Variants in FARP1 observed in about 807,000 individuals in gnomAD.
FARP1 encodes FERM, ARH/RhoGEF and pleckstrin domain protein 1.
In FARP1, 52 loss-of-function variants were observed where a neutral mutation model predicts 128.8. The observed-to-expected ratio is 0.40, with a 90% confidence interval of 0.32 to 0.51. The LOEUF (loss-of-function observed/expected upper bound fraction) is 0.51. Ranked by LOEUF, FARP1 falls within the 20% of genes least tolerant of loss-of-function variation. The probability of loss-of-function intolerance (pLI) is 0.45; values close to 1 mark genes in which losing one functional copy is unlikely to be tolerated. For synonymous variants in FARP1, 580 were observed against 551.8 expected, an observed-to-expected ratio of 1.05 and a Z score of -0.72; for missense variants, 1,333 against 1,367.9, an observed-to-expected ratio of 0.97 and a Z score of 0.40.
intron 2 of FARP1, among the ~76,000 whole-genome samples, chr13:98,246,602 A>G (rs1033800974): frequency 6.6e-6 from 1 of 151,968 alleles, no homozygotes; most frequent in Non-Finnish European, 1.5e-5. Context: ...GTGTTTACAT[A>G]CTATACTCCC....
intron 1 of FARP1, chr13:98,177,192 G>A: frequency 1.9e-6 from 3 of 1,582,232 alleles, no homozygotes; most frequent in Non-Finnish European, 2.6e-6. Context: ...TGCATACCTG[G>A]TCTGCTTGGT....
At chr13:98,371,392 C>T (rs1889321732) in intron 5 of FARP1, among the ~76,000 whole-genome samples, 1 of 152,166 alleles carries the variant, frequency 6.6e-6, no homozygotes, top group Non-Finnish European at 1.5e-5. Flanking sequence ...GCCAGCTCCT[C>T]TGTCAGTGCT....
At chr13:98,304,844 C>T (rs1371026100) in intron 2 of FARP1, among the ~76,000 whole-genome samples, 8 of 152,178 alleles carry the variant, frequency 5.3e-5, no homozygotes, top group Non-Finnish European at 1.0e-4. Context: ...TATTATCTGT[C>T]AGCCATTGGA....
At position 98,153,955 on chromosome 13, in the gene FARP1, A is replaced by AC. The variant is rs568642914; in HGVS notation, c.-24+10468dup. 1.4e-4 allele frequency among the ~76,000 whole-genome samples: 22 copies of AC among 152,036 alleles called. 1 individual carries two copies. The highest frequency in any genetic ancestry group is 2.5e-4 in the Non-Finnish European group (17 of 67,996). ...AATTTAGAACATTCCCTTGTGCTGC[A>AC]CCCCCAGTCCCTGTTAACCACCTGT... is the stretch of plus-strand genomic sequence containing the variant. On this transcript the variant is annotated intron_variant, in intron 1 of 26. Coordinates refer to ENST00000319562, the MANE Select transcript of FARP1 (RefSeq NM_005766.4).
chr13:98,446,500 G>C, intron 25 of FARP1, 166 bp from the exon 26 acceptor site: 1 of 684,372 alleles, frequency 1.5e-6, no homozygotes, highest in Non-Finnish European at 2.5e-6. Flanking sequence ...TTGCCACCCG[G>C]GCCATCACGT....
intron 15 of FARP1, among the ~76,000 whole-genome samples, chr13:98,411,538 C>T (rs1229329613): frequency 1.3e-5 from 2 of 152,286 alleles, no homozygotes; most frequent in Admixed American, 1.3e-4. Flanking sequence ...GATGGAAGTT[C>T]TTAAAGGAAT....
intron 2 of FARP1, among the ~76,000 whole-genome samples, chr13:98,239,795 A>T (rs1882657386): frequency 1.3e-5 from 2 of 151,398 alleles, no homozygotes; most frequent in African/African-American, 4.9e-5. Flanking sequence ...GGAGCAGGTG[A>T]CTCTCTGGCT....
chr13:98,145,905 A>ATGGTTTGTT (rs1875513363), intron 1 of FARP1, among the ~76,000 whole-genome samples: 1 of 150,960 alleles, frequency 6.6e-6, no homozygotes, highest in South Asian at 2.1e-4. Context: ...GCCCAAGGAA[A>ATGGTTTGTT]TTGTTTTGTT....
At chr13:98,172,409 C>T (rs1877717265) in intron 1 of FARP1, among the ~76,000 whole-genome samples, 1 of 151,938 alleles carries the variant, frequency 6.6e-6, no homozygotes, top group African/African-American at 2.4e-5. Flanking sequence ...GGTTTCTGGT[C>T]TCCTTGACCC....
At chr13:98,360,405 G>A (rs1481117877) in intron 3 of FARP1, among the ~76,000 whole-genome samples, 1 of 152,154 alleles carries the variant, frequency 6.6e-6, no homozygotes, top group Non-Finnish European at 1.5e-5. Flanking sequence ...CTCTGAAGAG[G>A]TGATTAAGTT....
chr13:98,368,469 T>C (rs1205802849), intron 5 of FARP1, among the ~76,000 whole-genome samples: 2 of 152,226 alleles, frequency 1.3e-5, no homozygotes, highest in Non-Finnish European at 2.9e-5. Flanking sequence ...ATCTTATATG[T>C]CACATCATGG....
At chr13:98,182,111 C>T (rs1279437542) in intron 1 of FARP1, among the ~76,000 whole-genome samples, 1 of 152,072 alleles carries the variant, frequency 6.6e-6, no homozygotes, top group Non-Finnish European at 1.5e-5. Flanking sequence ...TGCTCCCCCT[C>T]TTTCCCAAGC....
chr13:98,203,619 A>G (rs1384017545), intron 1 of FARP1, among the ~76,000 whole-genome samples: 1 of 152,206 alleles, frequency 6.6e-6, no homozygotes, highest in African/African-American at 2.4e-5. Flanking sequence ...TGGTATGGAT[A>G]GATCGCATTT....
chr13:98,279,896 C>A (rs1039433997), intron 2 of FARP1, among the ~76,000 whole-genome samples: 7 of 152,154 alleles, frequency 4.6e-5, no homozygotes, highest in African/African-American at 9.7e-5. Flanking sequence ...CGACGCCCCC[C>A]CTCTGTCTTC....
chr13:98,403,452 A>G (rs1890851891), intron 13 of FARP1: 1 of 152,194 alleles, frequency 6.6e-6, no homozygotes, highest in South Asian at 2.1e-4. Flanking sequence ...GGAAACATCT[A>G]TTTCAATTGG....
At chr13:98,144,425 A>C (rs981981427) in intron 1 of FARP1, among the ~76,000 whole-genome samples, 19 of 152,156 alleles carry the variant, frequency 1.2e-4, no homozygotes, top group Non-Finnish European at 2.8e-4. Flanking sequence ...GGAACAGTTT[A>C]GCAGCCTCGG....
chr13:98,178,251 A>G (rs1878246043), intron 1 of FARP1, among the ~76,000 whole-genome samples: 1 of 134,538 alleles, frequency 7.4e-6, no homozygotes, highest in Non-Finnish European at 1.5e-5. Context: ...GCTGGAGTGC[A>G]GTTACATGAT....
intron 1 of FARP1, among the ~76,000 whole-genome samples, chr13:98,203,376 A>G (rs1880077270): frequency 6.6e-6 from 1 of 152,224 alleles, no homozygotes; most frequent in African/African-American, 2.4e-5. Flanking sequence ...CAAAAAGACC[A>G]CAATTCTTTG....
intron 5 of FARP1, among the ~76,000 whole-genome samples, chr13:98,368,929 CTTT>C (rs58962751): frequency 1.7e-4 from 24 of 141,132 alleles, no homozygotes; most frequent in Admixed American, 1.4e-4. Flanking sequence ...TTATATATAC[CTTT>C]TTTTTTTTTT....
Sources: gnomAD v4.1 joint callset for allele counts (sites outside exome capture counted in the v4.1 genomes callset) on GRCh38, gnomAD v4.1.1 for gene constraint, MANE v1.5 for transcripts, NCBI Gene and HGNC (gene_info 2026-07-23, HGNC 2026-07-21) for gene names.